SH2D1B: variants seen among roughly 807,000 people sequenced by gnomAD.
The protein encoded by SH2D1B is SH2 domain containing 1B.
A neutral mutation model predicts 16.3 loss-of-function variants in SH2D1B; 11 were observed. That is an observed-to-expected ratio of 0.67 (90% confidence interval 0.42 to 1.11). SH2D1B has a LOEUF of 1.11. SH2D1B is among the 50% of genes most tolerant of loss of function. The pLI is 0.00. For missense variants in SH2D1B, 123 were observed against 153.1 expected, an observed-to-expected ratio of 0.80 and a Z score of 1.04; for synonymous variants, 55 against 56.1, an observed-to-expected ratio of 0.98 and a Z score of 0.09.
chr1:162,398,118 C>T (rs1386842323), intron 3 of SH2D1B, among the ~76,000 whole-genome samples: 1 of 152,190 alleles, frequency 6.6e-6, no homozygotes, highest in Admixed American at 6.5e-5. Context: ...TTGCCGCAGA[C>T]AGAGTAGAAT....
chr1:162,403,511 A>AAAAAAAAATATAT (rs1648579325), intron 1 of SH2D1B, among the ~76,000 whole-genome samples: 1 of 42,042 alleles, frequency 2.4e-5, no homozygotes, highest in African/African-American at 1.1e-4. Flanking sequence ...AAAAAAAAAA[A>AAAAAAAAATATAT]ATATATATAT....
Position 162,402,839 on chromosome 1 carries a change from A to G in SH2D1B, c.135-37T>C, listed in dbSNP as rs137965685. The G allele has an allele frequency of 1.1e-4, 163 of 1,516,394 alleles. No individual in the cohort carries two copies. The East Asian group carries it at 2.7e-3, about 25-fold the overall frequency. The allele number at this position is 1,516,394 out of a possible 1,614,324, so 93.9% of individuals were successfully genotyped here. A position where few individuals can be genotyped will look rare whatever the true frequency, so the allele number is the denominator to read the frequency against. On this transcript the variant is annotated intron_variant, in intron 1 of 3. Transcript: ENST00000367929. ...ATGACTGTGTGAATCAAAATGTTCT[A>G]TGCAAATCCAGGTAACATCTATCGT... is the stretch of plus-strand genomic sequence containing the variant.
At chr1:162,398,822 T>C in intron 3 of SH2D1B, 101 bp downstream of exon 3, 2 of 1,340,870 alleles carry the variant, frequency 1.5e-6, no homozygotes, top group Admixed American at 2.2e-5. Context: ...TTAGAGATAA[T>C]GTCACAGAAA....
chr1:162,397,663 T>C (rs1020578845), intron 3 of SH2D1B, among the ~76,000 whole-genome samples: 1 of 152,170 alleles, frequency 6.6e-6, no homozygotes, highest in Admixed American at 6.5e-5. Context: ...TAGCTGAGAA[T>C]TTTGGAGCCT....
At position 162,411,977 on chromosome 1, in the gene SH2D1B, C is replaced by G; in HGVS notation, c.40G>C (p.Asp14His). 6.2e-7 allele frequency: 1 copy of G among 1,614,170 alleles called. No homozygotes were observed. The highest frequency in any genetic ancestry group is 8.5e-7 in the Non-Finnish European group (1 of 1,180,030). ...TCCTTGAGCAGCAAGGTCTCACAGT[C>G]TTGCTTGGTCAGACGTCCATGGTAG... Reference protein sequence around the residue: ...PYYHGRLTKQDCETLLLKEGV... With the variant: ...PYYHGRLTKQHCETLLLKEGV... The change falls in exon 1 of 4, where the codon GAC becomes CAC. Residue 14 changes from aspartate (D) to histidine (H), a missense_variant. Asp to His is a moderately conservative substitution (Grantham distance 81, BLOSUM62 -1). Coordinates refer to ENST00000367929, the MANE Select transcript of SH2D1B (RefSeq NM_053282.5).
Position 162,395,378 on chromosome 1 carries a change from G to A in SH2D1B, c.*1902C>T, listed in dbSNP as rs1471556722. ...GAGATAGAAAAAAATCACAATAAAT[G>A]TCAAAATATTTCTAGTAAAAATTAT... On this transcript the variant is annotated 3_prime_UTR_variant, in exon 4 of 4. Transcript: ENST00000367929. The A allele has an allele frequency of 2.0e-5, 3 of 152,070 alleles. No individual in the cohort carries two copies. The allele number at this position is 152,070 out of a possible 1,614,324, so 9.4% of individuals were successfully genotyped here.
chr1:162,402,438 A>T (rs1180183760), intron 2 of SH2D1B: 1 of 200,434 alleles, frequency 5.0e-6, no homozygotes, highest in Non-Finnish European at 1.0e-5. Flanking sequence ...GAATCGCTTG[A>T]ACCCGGGAGG....
intron 1 of SH2D1B, among the ~76,000 whole-genome samples, chr1:162,404,756 C>T (rs1648612965): frequency 6.6e-6 from 1 of 152,238 alleles, no homozygotes; most frequent in African/African-American, 2.4e-5. Context: ...GATACCACTA[C>T]ACACTTATTA....
At chr1:162,405,304 G>C (rs371676770) in intron 1 of SH2D1B, among the ~76,000 whole-genome samples, 1 of 152,284 alleles carries the variant, frequency 6.6e-6, no homozygotes, top group South Asian at 2.1e-4. Flanking sequence ...TTACAAAGGG[G>C]TGCAAGTGAA....
chr1:162,408,412 TTC>T (rs960185610), intron 1 of SH2D1B, among the ~76,000 whole-genome samples: 3 of 134,756 alleles, frequency 2.2e-5, no homozygotes, highest in African/African-American at 5.7e-5. Context: ...TTTTTTTCTC[TTC>T]TTTTTTTTTT....
chr1:162,402,406 G>T lies in SH2D1B; in HGVS notation c.198+333C>A, dbSNP rs377319349. 1.3e-3 allele frequency: 234 copies of T among 177,668 alleles called. 3 individuals are homozygous for T. Among genetic ancestry groups the T allele is most frequent in the African/African-American group, 5.2e-3 (219 of 42,460 alleles). The allele number at this position is 177,668 out of a possible 1,614,324, so 11.0% of individuals were successfully genotyped here. On this transcript the variant is annotated intron_variant, in intron 2 of 3. Transcript: ENST00000367929. ...CGCGCCTGTAGTCCCAGCTACTTGG[G>T]GGGGCGGGGGCTGAGGCAGGAGAAT...
intron 2 of SH2D1B, chr1:162,402,339 C>T (rs1648535338): frequency 6.3e-6 from 1 of 157,636 alleles, no homozygotes; most frequent in African/African-American, 2.4e-5. Flanking sequence ...GGCGAAAACC[C>T]TTCTCTACTG....
rs1303094945 is a variant in SH2D1B, at chr1:162,403,738, ACAC to A, written c.135-939_135-937del. On this transcript the variant is annotated intron_variant, in intron 1 of 3. Transcript: ENST00000367929. ...CACACACACACACACACACACACAC[ACAC>A]AATGGAATATTATTCAGCCATAGAA... Among the ~76,000 whole-genome samples, 2 of 129,900 alleles carry A rather than the reference ACAC, an allele frequency of 1.5e-5. 1 individual carries two copies. Among genetic ancestry groups the A allele is most frequent in the African/African-American group, 5.6e-5 (2 of 35,564 alleles). 85.2% of individuals were successfully genotyped at this position (129,900 alleles called of 152,430 possible).
chr1:162,404,334 T>A (rs978368711), intron 1 of SH2D1B, among the ~76,000 whole-genome samples: 5 of 151,926 alleles, frequency 3.3e-5, no homozygotes, highest in African/African-American at 1.2e-4. Context: ...AGACTCCATC[T>A]CAAAAAAAAT....
Position 162,398,927 on chromosome 1 carries a change from A to G in SH2D1B, c.359T>C (p.Phe120Ser), listed in dbSNP as rs138201747. 4 of 1,610,010 alleles carry G rather than the reference A, an allele frequency of 2.5e-6. No homozygotes were observed. Among genetic ancestry groups the G allele is most frequent in the East Asian group, 2.2e-5 (1 of 44,792 alleles). Residue 120 changes from phenylalanine (F) to serine (S), a missense_variant, in exon 3 of 4, where the codon TTT becomes TCT. Coordinates refer to ENST00000367929, the MANE Select transcript of SH2D1B (RefSeq NM_053282.5). ...CCCCCACGTGAGAGATTTTACCACA[A>G]ATGTTTCCAACTCTAATTTCAATCC... Reference protein sequence around the residue: ...WRGLKLELETFVNSNSDYVDV... With the variant: ...WRGLKLELETSVNSNSDYVDV...
intron 2 of SH2D1B, chr1:162,402,403 T>TG (rs1048819361): frequency 9.0e-5 from 13 of 144,896 alleles, no homozygotes; most frequent in Admixed American, 2.3e-4. Flanking sequence ...CCCAGCTACT[T>TG]GGGGGGGCGG....
rs533896084 is a variant in SH2D1B at position 162,395,650 on chromosome 1, A to G, written c.*1630T>C. On this transcript the variant is annotated 3_prime_UTR_variant, in exon 4 of 4. Coordinates refer to ENST00000367929, the MANE Select transcript of SH2D1B (RefSeq NM_053282.5). ...AAATCATTTACATAGAAAACACAAT[A>G]GAATCAACAGGTAAACTAGTAGATC... 1 of 152,372 alleles carries G rather than the reference A, an allele frequency of 6.6e-6. No individual in the cohort carries two copies. Among genetic ancestry groups the G allele is most frequent in the South Asian group, 2.1e-4 (1 of 4,828 alleles). The allele number at this position is 152,372 out of a possible 1,614,324, so 9.4% of individuals were successfully genotyped here.
chr1:162,409,278 T>C (rs1648738532), intron 1 of SH2D1B, among the ~76,000 whole-genome samples: 1 of 152,122 alleles, frequency 6.6e-6, no homozygotes, highest in South Asian at 2.1e-4. Context: ...CAGTTTCTGT[T>C]GCCATCATTT....
intron 1 of SH2D1B, among the ~76,000 whole-genome samples, chr1:162,411,217 A>C (rs1192603001): frequency 6.6e-6 from 1 of 152,158 alleles, no homozygotes; most frequent in Non-Finnish European, 1.5e-5. Context: ...CAGCCTCCCA[A>C]AGTGTTGGGA....
Sources: allele counts gnomAD v4.1 joint callset (sites outside exome capture counted in the v4.1 genomes callset), GRCh38; gene constraint gnomAD v4.1.1; transcripts MANE v1.5; gene names NCBI Gene and HGNC (gene_info 2026-07-23, HGNC 2026-07-21).